CREB3L2: variants seen among roughly 807,000 people sequenced by gnomAD.
CREB3L2 encodes the protein cAMP responsive element binding protein 3 like 2.
A neutral mutation model predicts 57.2 loss-of-function variants in CREB3L2; 23 were observed. The observed-to-expected ratio is 0.40, with a 90% CI of 0.29 to 0.57. The LOEUF (loss-of-function observed/expected upper bound fraction) is 0.57. Ranked by LOEUF, CREB3L2 falls within the 20% of genes least tolerant of loss-of-function variation. The probability of loss-of-function intolerance (pLI) is 0.42; values close to 1 mark genes in which losing one functional copy is unlikely to be tolerated. For synonymous variants in CREB3L2, 268 were observed against 265.1 expected (o/e 1.01, Z -0.11); for missense variants, 628 against 634.7 (o/e 0.99, Z 0.11).
intron 8 of CREB3L2, 21 bp downstream of exon 8, chr7:137,901,331 GCT>G (rs1563244916): frequency 1.4e-6 from 2 of 1,435,502 alleles, no homozygotes; most frequent in Admixed American, 3.4e-5. Context: ...AGCGCAATCA[GCT>G]CTCAGTCCAG....
intron 1 of CREB3L2, among the ~76,000 whole-genome samples, chr7:137,989,052 C>A (rs1447869830): frequency 6.6e-6 from 1 of 152,140 alleles, no homozygotes; most frequent in Non-Finnish European, 1.5e-5. Context: ...ACACAAGCAC[C>A]AATGAACCAG....
chr7:137,918,980 C>T (rs970001610), intron 2 of CREB3L2, among the ~76,000 whole-genome samples: 1 of 152,086 alleles, frequency 6.6e-6, no homozygotes, highest in Non-Finnish European at 1.5e-5. Flanking sequence ...TAAAAGGAAA[C>T]CTTCTCTCTC....
At position 137,885,203 on chromosome 7, in the gene CREB3L2, C is replaced by A; in HGVS notation, c.1144-82G>T. ...GACAGCACAGCTTTATACCCAGGGA[C>A]ACAGACTCTCCTCTTCAGGCCAGTG... is the stretch of plus-strand genomic sequence containing the variant. On this transcript the variant is annotated intron_variant, in intron 9 of 11. Transcript: ENST00000330387. The A allele has an allele frequency of 4.0e-6, 6 of 1,501,754 alleles. No individual in the cohort carries two copies. In the South Asian group the frequency reaches 7.4e-5, roughly 18 times the overall value. The allele number at this position is 1,501,754 out of a possible 1,614,324, so 93.0% of individuals were successfully genotyped here.
intron 1 of CREB3L2, chr7:137,955,199 C>A: frequency 1.0e-6 from 1 of 987,016 alleles, no homozygotes; most frequent in Non-Finnish European, 1.4e-6. Flanking sequence ...CCCCTGAAAT[C>A]CTTGCCCATT....
chr7:137,904,080 T>C (rs1342535496), intron 6 of CREB3L2, 63 bp from the exon 7 acceptor site: 27 of 1,366,468 alleles, frequency 2.0e-5, no homozygotes, highest in African/African-American at 2.9e-5. Context: ...CCAGTTAAGA[T>C]GGGAGGTGGT....
chr7:137,972,489 T>C (rs35202219), intron 1 of CREB3L2, among the ~76,000 whole-genome samples: 4,232 of 151,280 alleles, frequency 0.028, 283 homozygotes, highest in Admixed American at 0.16. Flanking sequence ...GCTTGTTTTT[T>C]AGTTTCTTTA....
intron 7 of CREB3L2, among the ~76,000 whole-genome samples, chr7:137,901,749 C>T (rs1251559878): frequency 2.7e-5 from 4 of 150,558 alleles, no homozygotes; most frequent in African/African-American, 7.3e-5. Flanking sequence ...CGTGGTGGCA[C>T]GTGCCTGTAA....
At chr7:137,903,285 A>G (rs913336829) in intron 7 of CREB3L2, among the ~76,000 whole-genome samples, 2 of 152,214 alleles carry the variant, frequency 1.3e-5, no homozygotes, top group African/African-American at 4.8e-5. Flanking sequence ...AGGAACCACC[A>G]GCCACTCCTT....
chr7:137,961,469 T>C (rs974152234), intron 1 of CREB3L2, among the ~76,000 whole-genome samples: 2 of 152,156 alleles, frequency 1.3e-5, no homozygotes, highest in African/African-American at 4.8e-5. Flanking sequence ...CCTGGAAGAA[T>C]CTCAGGCTTT....
At chr7:137,884,724 A>C in intron 10 of CREB3L2, 3 of 598,266 alleles carry the variant, frequency 5.0e-6, no homozygotes, top group Non-Finnish European at 8.9e-6. Flanking sequence ...GAACTCAAAA[A>C]TTAGATGTCA....
intron 1 of CREB3L2, among the ~76,000 whole-genome samples, chr7:137,938,716 T>G (rs1800834833): frequency 6.6e-6 from 1 of 152,218 alleles, no homozygotes; most frequent in Non-Finnish European, 1.5e-5. Context: ...CATATGATAT[T>G]TGCTTCAAGG....
At chr7:137,881,939 T>C (rs888717472) in intron 11 of CREB3L2, among the ~76,000 whole-genome samples, 7 of 152,222 alleles carry the variant, frequency 4.6e-5, no homozygotes, top group African/African-American at 1.7e-4. Context: ...AACTATAATA[T>C]GTATAGTTTT....
chr7:137,975,459 TTCTC>T (rs1205295613), intron 1 of CREB3L2, among the ~76,000 whole-genome samples: 1 of 152,168 alleles, frequency 6.6e-6, no homozygotes, highest in Non-Finnish European at 1.5e-5. Flanking sequence ...CTCTCGCCCC[TTCTC>T]TCTTTTTTAA....
At chr7:137,922,437 C>CGT (rs1554498052) in intron 2 of CREB3L2, among the ~76,000 whole-genome samples, 3 of 98,932 alleles carry the variant, frequency 3.0e-5, no homozygotes, top group African/African-American at 2.0e-4. Context: ...TATATATATA[C>CGT]GTATATATAT....
Position 137,876,622 on chromosome 7 carries a change from C to A in CREB3L2, c.*3854G>T. ...CTCTCTCCTGTAACTGCCCTCCCAG[C>A]GGGGCCTATCCTAGCATGTGTCTAT... On this transcript the variant is annotated 3_prime_UTR_variant, in exon 12 of 12. Transcript: ENST00000330387. 4.3e-6 allele frequency: 1 copy of A among 232,930 alleles called. No homozygotes were observed. Among genetic ancestry groups the A allele is most frequent in the East Asian group, 6.1e-5 (1 of 16,526 alleles). 14.4% of individuals were successfully genotyped at this position (232,930 alleles called of 1,614,324 possible). A position where few individuals can be genotyped will look rare whatever the true frequency, so the allele number is the denominator to read the frequency against.
chr7:137,916,122 G>C (rs1800127025), intron 2 of CREB3L2, 110 bp from the exon 3 acceptor site: 3 of 744,810 alleles, frequency 4.0e-6, no homozygotes, highest in Middle Eastern at 3.1e-4. Flanking sequence ...AAGGATGATT[G>C]AAAGTAGAAT....
intron 1 of CREB3L2, among the ~76,000 whole-genome samples, chr7:137,984,687 T>A (rs1053763984): frequency 1.3e-5 from 2 of 152,260 alleles, no homozygotes; most frequent in African/African-American, 4.8e-5. Context: ...TGCAGCTTTT[T>A]GTTTGGTTTT....
chr7:137,982,896 G>A (rs1801734278), intron 1 of CREB3L2, among the ~76,000 whole-genome samples: 2 of 152,096 alleles, frequency 1.3e-5, no homozygotes, highest in African/African-American at 4.8e-5. Flanking sequence ...ATAGCAAAAA[G>A]GAAGAAAGAA....
intron 1 of CREB3L2, among the ~76,000 whole-genome samples, chr7:137,963,617 T>G (rs532197472): frequency 1.3e-5 from 2 of 152,340 alleles, no homozygotes; most frequent in Admixed American, 1.3e-4. Context: ...GGATTAAATT[T>G]AAATGTTTTT....
Sources: gnomAD v4.1 joint callset for allele counts (sites outside exome capture counted in the v4.1 genomes callset) on GRCh38, gnomAD v4.1.1 for gene constraint, MANE v1.5 for transcripts, NCBI Gene and HGNC (gene_info 2026-07-23, HGNC 2026-07-21) for gene names.